The following HEATR1 variants were observed in gnomAD, a reference collection of about 807,000 sequenced individuals.
HEATR1 encodes the protein HEAT repeat containing 1.
HEATR1 carries 77 observed loss-of-function variants against 248.2 expected under a neutral mutation model. The ratio of observed to expected loss-of-function variants is 0.31; its 90% CI spans 0.26 to 0.37. The LOEUF (loss-of-function observed/expected upper bound fraction) is 0.37, where lower values mean the gene tolerates loss of function less well. Among genes scored for constraint, HEATR1 ranks in the 10% least tolerant of loss-of-function variants. The probability of loss-of-function intolerance (pLI) is 1.00; values close to 1 mark genes in which losing one functional copy is unlikely to be tolerated. For synonymous variants in HEATR1, 897 were observed against 923.1 expected (o/e 0.97, Z 0.51); for missense variants, 2,420 against 2,504.9 (o/e 0.97, Z 0.72).
At position 236,552,447 on chromosome 1, in the gene HEATR1, T is replaced by C. The variant is rs567388606; in HGVS notation, c.6238-340A>G. On this transcript the variant is annotated intron_variant, in intron 43 of 44. Coordinates refer to ENST00000366582, the MANE Select transcript of HEATR1 (RefSeq NM_018072.6). Reference sequence around the variant, plus strand: ...AAGTGTGTCACCAGATTTTACTTCATTGGCGCTCGCCAGCCCGCCAGGCTG... The same window carrying C: ...AAGTGTGTCACCAGATTTTACTTCACTGGCGCTCGCCAGCCCGCCAGGCTG... The C allele has an allele frequency of 2.0e-3, 337 of 167,382 alleles. 2 individuals are homozygous for C. The highest frequency in any genetic ancestry group is 7.6e-3 in the African/African-American group (317 of 41,902). The allele number at this position is 167,382 out of a possible 1,614,324, so 10.4% of individuals were successfully genotyped here. A position where few individuals can be genotyped will look rare whatever the true frequency, so the allele number is the denominator to read the frequency against.
rs1662605186 is a variant in HEATR1 at position 236,549,324 on chromosome 1, TGTATATGGGATCTTTACAGGTCA to T, written c.*1555_*1577del. 4.8e-6 allele frequency: 1 copy of T among 208,902 alleles called. No individual in the cohort carries two copies. Among genetic ancestry groups the T allele is most frequent in the Non-Finnish European group, 9.5e-6 (1 of 105,704 alleles). The allele number at this position is 208,902 out of a possible 1,614,324, so 12.9% of individuals were successfully genotyped here. ...TTGAGGGGAGTTGGCAGAAGTTCCATGTATATGGGATCTTTACAGGTCAGATCTTGTTACAGGAAATTTCAAAG... is the reference window on the plus strand; with the variant it reads ...TTGAGGGGAGTTGGCAGAAGTTCCATGATCTTGTTACAGGAAATTTCAAAG... On this transcript the variant is annotated 3_prime_UTR_variant, in exon 45 of 45. Transcript: ENST00000366582.
At chr1:236,566,084 G>C (rs753843949) in intron 30 of HEATR1, 39 bp from the exon 31 acceptor site, 1 of 1,594,594 alleles carries the variant, frequency 6.3e-7, no homozygotes, top group African/African-American at 1.3e-5. Context: ...TCTGTACTTA[G>C]GAATTGTGAA....
At chr1:236,571,750 A>G (rs989871544) in intron 26 of HEATR1, 64 bp from the exon 27 acceptor site, 3 of 1,184,298 alleles carry the variant, frequency 2.5e-6, no homozygotes, top group Non-Finnish European at 3.8e-6. Flanking sequence ...TTGTTACATT[A>G]ATGGCCATTG....
chr1:236,579,027 C>T lies in HEATR1; in HGVS notation c.2756-2078G>A, dbSNP rs548779560. 3.9e-5 allele frequency among the ~76,000 whole-genome samples: 6 copies of T among 152,322 alleles called. No individual in the cohort carries two copies. The South Asian group carries it at 1.2e-3, about 32-fold the overall frequency. On this transcript the variant is annotated intron_variant, in intron 20 of 44. Transcript: ENST00000366582. ...ATTTTGCTAGAAATTTTCCATTATA[C>T]TTTCCATTTCTGAAATACTAAGATA...
chr1:236,591,890 T>TA (rs1664048146), intron 11 of HEATR1, 103 bp downstream of exon 11: 9 of 647,600 alleles, frequency 1.4e-5, no homozygotes, highest in Non-Finnish European at 2.2e-5. Context: ...TCTGTAAAAT[T>TA]TTCCACACAA....
At chr1:236,584,148 G>C (rs577309663) in intron 17 of HEATR1, among the ~76,000 whole-genome samples, 269 of 152,182 alleles carry the variant, frequency 1.8e-3, no homozygotes, top group Non-Finnish European at 3.2e-3. Context: ...ATGACCTCGA[G>C]AAAGGTATTA....
chr1:236,580,823 G>GTTTTTTTTTTT (rs755652612), intron 20 of HEATR1, among the ~76,000 whole-genome samples: 5 of 46,146 alleles, frequency 1.1e-4, no homozygotes, highest in Non-Finnish European at 1.6e-4. Flanking sequence ...GGCCTTTATC[G>GTTTTTTTTTTT]ATTTTTTTTT....
intron 32 of HEATR1, among the ~76,000 whole-genome samples, chr1:236,563,774 CACAA>C (rs981390046): frequency 1.3e-5 from 2 of 152,044 alleles, no homozygotes; most frequent in Non-Finnish European, 2.9e-5. Flanking sequence ...AAGTTTAATA[CACAA>C]ACAGAGATGT....
chr1:236,569,138 C>A lies in HEATR1; in HGVS notation c.3949-14G>T. The A allele has an allele frequency of 6.5e-7, 1 of 1,545,656 alleles. No individual in the cohort carries two copies. The highest frequency in any genetic ancestry group is 8.7e-7 in the Non-Finnish European group (1 of 1,146,724). On this transcript the variant is annotated splice_polypyrimidine_tract_variant and intron_variant, in intron 28 of 44. Coordinates refer to ENST00000366582, the MANE Select transcript of HEATR1 (RefSeq NM_018072.6). ...TAAAACTTTATCCTGAAAGAAAACACAACTATCAACATTTTTTATTTCTGT... is the reference window on the plus strand; with the variant it reads ...TAAAACTTTATCCTGAAAGAAAACAAAACTATCAACATTTTTTATTTCTGT...
chr1:236,558,159 A>G, intron 36 of HEATR1, 78 bp downstream of exon 36: 1 of 1,471,400 alleles, frequency 6.8e-7, no homozygotes. Context: ...GAGGAAAAAA[A>G]AAAAAAGTCA....
Position 236,569,008 on chromosome 1 carries a change from G to C in HEATR1, c.4065C>G (p.Pro1355=), listed in dbSNP as rs542766245. The C allele has an allele frequency of 6.3e-6, 10 of 1,599,474 alleles. No homozygotes were observed. The highest frequency in any genetic ancestry group is 8.5e-6 in the Non-Finnish European group (10 of 1,174,518). Reference sequence around the variant, plus strand: ...AAAGAGACCTTACCTGAATAAGTGCGGGAATAACCATTTTCACTGTCTTGT... The same window carrying C: ...AAAGAGACCTTACCTGAATAAGTGCCGGAATAACCATTTTCACTGTCTTGT... ...VINKTVKMVI[P]ALIQSDSGDS... Residue 1355 remains proline, a synonymous_variant, in exon 29 of 45, where the codon CCC becomes CCG. Coordinates refer to ENST00000366582, the MANE Select transcript of HEATR1 (RefSeq NM_018072.6).
rs1663416439 is a variant in HEATR1, at chr1:236,571,231, C to A, written c.3948+120G>T. ...TGAAGAGGCAGGGCTGAGAGTCTCA[C>A]CAGTGCTGGAAGATTCCAAAGCCTA... On this transcript the variant is annotated intron_variant, in intron 28 of 44. Coordinates refer to ENST00000366582, the MANE Select transcript of HEATR1 (RefSeq NM_018072.6). 5 of 1,209,670 alleles carry A rather than the reference C, an allele frequency of 4.1e-6. No individual in the cohort carries two copies. The African/African-American group carries it at 6.2e-5, about 15-fold the overall frequency. The allele number at this position is 1,209,670 out of a possible 1,614,324, so 74.9% of individuals were successfully genotyped here.
intron 13 of HEATR1, 49 bp from the exon 14 acceptor site, chr1:236,587,539 G>T: frequency 1.2e-6 from 1 of 820,054 alleles, no homozygotes; most frequent in Non-Finnish European, 1.8e-6. Context: ...CTTCAAACAT[G>T]TATGGCGCTT....
chr1:236,571,635 T>C lies in HEATR1; in HGVS notation c.3759A>G (p.Gln1253=), dbSNP rs751238223. Reference sequence around the variant, plus strand: ...TGTTGAGCAGACAACTAAGAATTAATTGTTTGGTGTATTCCATATTTCCCT... The same window carrying C: ...TGTTGAGCAGACAACTAAGAATTAACTGTTTGGTGTATTCCATATTTCCCT... ...QEQGNMEYTK[Q]LILSCLLNIC... Residue 1253 remains glutamine (Q), a synonymous_variant, in exon 27 of 45, where the codon CAA becomes CAG. Coordinates refer to ENST00000366582, the MANE Select transcript of HEATR1 (RefSeq NM_018072.6). 24 of 1,614,018 alleles carry C rather than the reference T, an allele frequency of 1.5e-5. No individual in the cohort carries two copies. Among genetic ancestry groups the C allele is most frequent in the Admixed American group, 3.3e-5 (2 of 60,000 alleles).
intron 3 of HEATR1, chr1:236,602,772 A>C: frequency 1.1e-5 from 2 of 179,104 alleles, no homozygotes; most frequent in South Asian, 2.3e-4. Flanking sequence ...AAAAACACAA[A>C]ACTCATCCAG....
At chr1:236,601,969 A>T (rs1664337738) in intron 3 of HEATR1, among the ~76,000 whole-genome samples, 1 of 29,090 alleles carries the variant, frequency 3.4e-5, no homozygotes, top group African/African-American at 6.1e-5. Context: ...ATCTTTACTA[A>T]AAAAAAAAAA....
At chr1:236,587,536 C>T (rs745369362) in intron 13 of HEATR1, 46 bp from the exon 14 acceptor site, 5 of 862,666 alleles carry the variant, frequency 5.8e-6, no homozygotes, top group Non-Finnish European at 6.9e-6. Context: ...TTGCTTCAAA[C>T]ATGTATGGCG....
At chr1:236,586,153 A>G in intron 15 of HEATR1, 88 bp downstream of exon 15, 1 of 954,458 alleles carries the variant, frequency 1.0e-6, no homozygotes, top group South Asian at 2.1e-5. Context: ...CTGGCATATA[A>G]GCATGACCAA....
Position 236,592,167 on chromosome 1 carries a change from C to T in HEATR1, c.1305-57G>A, listed in dbSNP as rs1474556186. The T allele has an allele frequency of 7.1e-6, 6 of 841,126 alleles. 1 individual carries two copies. The South Asian group carries it at 1.1e-4, about 15-fold the overall frequency. 52.1% of individuals were successfully genotyped at this position (841,126 alleles called of 1,614,324 possible). A position where few individuals can be genotyped will look rare whatever the true frequency, so the allele number is the denominator to read the frequency against. ...TCTTAATAAATTTATTAATCTCATA[C>T]ACCATACACATATAAAGGAAAGACA... On this transcript the variant is annotated intron_variant, in intron 10 of 44. Coordinates refer to ENST00000366582, the MANE Select transcript of HEATR1 (RefSeq NM_018072.6).
Sources: gnomAD v4.1 joint callset for allele counts (sites outside exome capture counted in the v4.1 genomes callset) on GRCh38, gnomAD v4.1.1 for gene constraint, MANE v1.5 for transcripts, NCBI Gene and HGNC (gene_info 2026-07-23, HGNC 2026-07-21) for gene names.